The following CHST15 variants were observed in gnomAD, a reference collection of about 807,000 sequenced individuals.
The protein encoded by CHST15 is B cell RAG associated protein (GALNAC4S-6ST).
A neutral mutation model predicts 53.6 loss-of-function variants in CHST15; 30 were observed. The ratio of observed to expected loss-of-function variants is 0.56; its 90% CI spans 0.42 to 0.76. CHST15 has a LOEUF of 0.76. Among genes scored for constraint, CHST15 ranks in the 30% least tolerant of loss-of-function variants. The pLI, the probability that CHST15 is intolerant of heterozygous loss-of-function variation, is 0.00. For missense variants in CHST15, 627 were observed against 740.5 expected, an observed-to-expected ratio of 0.85 and a Z score of 1.78; for synonymous variants, 296 against 289.8, an observed-to-expected ratio of 1.02 and a Z score of -0.22.
chr10:124,039,518 CCT>C (rs1947655485), intron 4 of CHST15, among the ~76,000 whole-genome samples: 1 of 152,256 alleles, frequency 6.6e-6, no homozygotes, highest in Non-Finnish European at 1.5e-5. Flanking sequence ...GCTCACACGC[CCT>C]GTCTCCTGCG....
intron 1 of CHST15, among the ~76,000 whole-genome samples, chr10:124,064,214 T>C (rs985215092): frequency 1.3e-5 from 2 of 152,162 alleles, no homozygotes; most frequent in Non-Finnish European, 2.9e-5. Flanking sequence ...CGAAAAGTCA[T>C]TGTAGCTGAC....
Position 124,044,839 on chromosome 10 carries a change from G to A in CHST15, c.627C>T (p.Thr209=), listed in dbSNP as rs1947904433. 1 of 1,547,438 alleles carries A rather than the reference G, an allele frequency of 6.5e-7. No individual in the cohort carries two copies. The highest frequency in any genetic ancestry group is 1.2e-5 in the South Asian group (1 of 82,734). ...CWYEEFSGQN[T]TDPYLTNSYV... is the part of the protein sequence containing the mutation. ...AGGAGTTGGTGAGGTAGGGGTCGGT[G>A]GTGTTCTGCCCCGAGAACTCCTCGT... Residue 209 remains threonine (T), a synonymous_variant, in exon 3 of 8, where the codon ACC becomes ACT. Transcript: ENST00000435907.
In CHST15 at chr10:124,045,806, T is replaced by A. The variant is rs1304789188; in HGVS notation, c.407A>T (p.His136Leu). Residue 136 changes from histidine (H) to leucine (L), a missense_variant, in exon 2 of 8, where the codon CAC becomes CTC. By Grantham distance (99) the His-to-Leu change is moderately conservative. Transcript: ENST00000435907. ...ENPSDTKEHH[H>L]QSSVNNISYM... is the part of the protein sequence containing the mutation. Reference sequence around the variant, plus strand: ...TGAAATATTATTTACAGAGGATTGGTGGTGATGCTCCTTTGTGTCACTTGG... The same window carrying A: ...TGAAATATTATTTACAGAGGATTGGAGGTGATGCTCCTTTGTGTCACTTGG... 3.7e-6 allele frequency: 6 copies of A among 1,613,966 alleles called. No individual in the cohort carries two copies. The African/African-American group carries it at 8.0e-5, about 22-fold the overall frequency.
intron 1 of CHST15, among the ~76,000 whole-genome samples, chr10:124,066,337 G>A (rs117685250): frequency 0.014 from 2,201 of 152,194 alleles, 81 homozygotes; most frequent in East Asian, 0.12. Context: ...AACACACTGC[G>A]AGTCTGGGAC....
chr10:124,030,770 G>A (rs1303954840), intron 5 of CHST15, among the ~76,000 whole-genome samples: 1 of 152,328 alleles, frequency 6.6e-6, no homozygotes, highest in East Asian at 1.9e-4. Context: ...GGGGCTGGGG[G>A]AAGTTGAGCT....
At chr10:124,071,509 C>G (rs1030597928) in intron 1 of CHST15, among the ~76,000 whole-genome samples, 9 of 152,242 alleles carry the variant, frequency 5.9e-5, no homozygotes, top group Non-Finnish European at 8.8e-5. Flanking sequence ...GAGCCCATAC[C>G]TAGGTTAAAT....
At position 124,075,653 on chromosome 10, in the gene CHST15, T is replaced by C. The variant is rs144261811; in HGVS notation, c.-513+17816A>G. Among the ~76,000 whole-genome samples the C allele has an allele frequency of 7.2e-3, 1,090 of 152,298 alleles. 18 individuals carry two copies. Among genetic ancestry groups the C allele is most frequent in the African/African-American group, 0.025 (1,031 of 41,574 alleles). ...CCTTCCAATAAAAAAGTAACTTTAATGCTCATTCAAGAAGCCCTCTTCCAA... is the reference window on the plus strand; with the variant it reads ...CCTTCCAATAAAAAAGTAACTTTAACGCTCATTCAAGAAGCCCTCTTCCAA... On this transcript the variant is annotated intron_variant, in intron 1 of 7. Coordinates refer to ENST00000435907, the MANE Select transcript of CHST15 (RefSeq NM_001270764.2).
intron 1 of CHST15, among the ~76,000 whole-genome samples, chr10:124,070,774 G>C (rs576084314): frequency 2.6e-5 from 4 of 152,106 alleles, no homozygotes; most frequent in Non-Finnish European, 5.9e-5. Context: ...GCTGCATCTC[G>C]CAGGCTGGTG....
chr10:124,056,298 G>A (rs1177378391), intron 1 of CHST15, among the ~76,000 whole-genome samples: 1 of 152,192 alleles, frequency 6.6e-6, no homozygotes, highest in Non-Finnish European at 1.5e-5. Flanking sequence ...AGGACAGGAA[G>A]GTGAGGGAAG....
intron 1 of CHST15, among the ~76,000 whole-genome samples, chr10:124,064,206 A>ATTG (rs1948682085): frequency 6.6e-6 from 1 of 152,222 alleles, no homozygotes; most frequent in Non-Finnish European, 1.5e-5. Context: ...TAGACTTACG[A>ATTG]AAAGTCATTG....
At chr10:124,038,407 G>T (rs968250176) in intron 5 of CHST15, 108 bp downstream of exon 5, 1 of 1,342,468 alleles carries the variant, frequency 7.4e-7, no homozygotes, top group Non-Finnish European at 1.0e-6. Flanking sequence ...TACCCGACCT[G>T]TTTAATTTTT....
intron 6 of CHST15, chr10:124,020,388 T>TGGCATC: frequency 1.0e-6 from 1 of 985,482 alleles, no homozygotes; most frequent in Non-Finnish European, 1.2e-6. Context: ...TGTGTCCCTG[T>TGGCATC]GGCATCTTCC....
At chr10:124,046,812 T>A (rs1456085570) in intron 1 of CHST15, 88 bp from the exon 2 acceptor site, 2 of 152,162 alleles carry the variant, frequency 1.3e-5, no homozygotes, top group Admixed American at 1.3e-4. Context: ...AGATGCTCAC[T>A]CTCTTTTCCA....
intron 6 of CHST15, among the ~76,000 whole-genome samples, chr10:124,016,950 C>T (rs919770509): frequency 1.3e-5 from 2 of 152,166 alleles, no homozygotes; most frequent in African/African-American, 4.8e-5. Flanking sequence ...CTCTCCAGTT[C>T]ACAGTCGGAG....
At position 124,036,360 on chromosome 10, in the gene CHST15, T is replaced by C. The variant is rs796582632; in HGVS notation, c.1190+2155A>G. On this transcript the variant is annotated intron_variant, in intron 5 of 7. Transcript: ENST00000435907. The surrounding 1 kb of genome is among the most constrained non-coding windows in gnomAD (Gnocchi z 5.1). ...AGTCAGTGCCTGCCTCAGAACAGAGTGGAAGAAGTCCTGGGCTGGGAGATG... is the reference window on the plus strand; with the variant it reads ...AGTCAGTGCCTGCCTCAGAACAGAGCGGAAGAAGTCCTGGGCTGGGAGATG... Among the ~76,000 whole-genome samples, 7 of 151,140 alleles carry C rather than the reference T, an allele frequency of 4.6e-5. No homozygotes were observed. In the East Asian group the frequency reaches 1.2e-3, roughly 25 times the overall value.
rs187812271 is a variant in CHST15 at position 124,033,754 on chromosome 10, C to G, written c.1190+4761G>C. Among the ~76,000 whole-genome samples the G allele has an allele frequency of 1.1e-3, 171 of 152,288 alleles. 1 individual carries two copies. Among genetic ancestry groups the G allele is most frequent in the African/African-American group, 3.8e-3 (159 of 41,550 alleles). On this transcript the variant is annotated intron_variant, in intron 5 of 7. Coordinates refer to ENST00000435907, the MANE Select transcript of CHST15 (RefSeq NM_001270764.2). The stretch of plus-strand genomic sequence containing the variant: ...CCAACAGCTCTTGAGGTGCTGAATT[C>G]TGCCCACAACCATGTGCGCTTGGGA...
chr10:124,031,099 A>G (rs1947208606), intron 5 of CHST15, among the ~76,000 whole-genome samples: 1 of 152,252 alleles, frequency 6.6e-6, no homozygotes, highest in African/African-American at 2.4e-5. Context: ...ACCAAGGTTA[A>G]GCCTCCACAG....
intron 5 of CHST15, among the ~76,000 whole-genome samples, chr10:124,035,659 A>T (rs1378246057): frequency 6.6e-6 from 1 of 152,138 alleles, no homozygotes; most frequent in African/African-American, 2.4e-5. Flanking sequence ...CCTTGGCTCC[A>T]CCCTAAACAG....
chr10:124,008,965 C>T lies in CHST15; in HGVS notation c.*1184G>A. ...TGAAGAACACGGCTCTTAGAAACCT[C>T]ATTCCAAATCTCAACACGCCACGTT... On this transcript the variant is annotated 3_prime_UTR_variant, in exon 8 of 8. Transcript: ENST00000435907. 7.8e-7 allele frequency: 1 copy of T among 1,289,200 alleles called. No individual in the cohort carries two copies. The highest frequency in any genetic ancestry group is 1.0e-6 in the Non-Finnish European group (1 of 988,702). The allele number at this position is 1,289,200 out of a possible 1,614,324, so 79.9% of individuals were successfully genotyped here. A position where few individuals can be genotyped will look rare whatever the true frequency, so the allele number is the denominator to read the frequency against.
Sources: gnomAD v4.1 joint callset for allele counts (sites outside exome capture counted in the v4.1 genomes callset) on GRCh38, gnomAD v4.1.1 for gene constraint, Gnocchi (gnomAD v3.1) non-coding constraint, MANE v1.5 for transcripts, NCBI Gene and HGNC (gene_info 2026-07-23, HGNC 2026-07-21) for gene names.